NMNAT3: variants seen among roughly 807,000 people sequenced by gnomAD.
NMNAT3 encodes nicotinamide nucleotide adenylyltransferase 3, also known as nicotinamide/nicotinic acid mononucleotide adenylyltransferase 3.
A neutral mutation model predicts 24.8 loss-of-function variants in NMNAT3; 21 were observed. That is an observed-to-expected ratio of 0.85 (90% CI 0.60 to 1.22). The LOEUF (loss-of-function observed/expected upper bound fraction) is 1.22. NMNAT3 is among the 50% of genes most tolerant of loss of function. The pLI is 0.00. For synonymous variants in NMNAT3, 136 were observed against 155.2 expected (o/e 0.88, Z 0.92); for missense variants, 387 against 436.6 (o/e 0.89, Z 1.01).
At chr3:139,598,403 C>G (rs2054571459) in intron 3 of NMNAT3, among the ~76,000 whole-genome samples, 1 of 152,080 alleles carries the variant, frequency 6.6e-6, no homozygotes, top group Non-Finnish European at 1.5e-5. Context: ...GGTCTTGGGG[C>G]ACTTGGTTTT....
At chr3:139,596,916 GTA>G (rs58824425) in intron 3 of NMNAT3, among the ~76,000 whole-genome samples, 1,935 of 96,724 alleles carry the variant, frequency 0.02, 106 homozygotes, top group African/African-American at 0.03. Context: ...TGTCATGTGT[GTA>G]TATATATATA....
At chr3:139,630,901 G>A (rs1303199498) in intron 2 of NMNAT3, among the ~76,000 whole-genome samples, 1 of 151,966 alleles carries the variant, frequency 6.6e-6, no homozygotes, top group African/African-American at 2.4e-5. Context: ...TTTTACAACT[G>A]TTATGAAGTC....
intron 3 of NMNAT3, among the ~76,000 whole-genome samples, chr3:139,600,462 C>T (rs751014271): frequency 1.1e-4 from 16 of 152,004 alleles, no homozygotes; most frequent in Non-Finnish European, 1.6e-4. Flanking sequence ...CCCACCACCA[C>T]GCTGGCTATT....
intron 3 of NMNAT3, among the ~76,000 whole-genome samples, chr3:139,615,298 C>G (rs1236343583): frequency 2.6e-5 from 4 of 152,156 alleles, no homozygotes; most frequent in Non-Finnish European, 5.9e-5. Flanking sequence ...TACTTAGAAA[C>G]CAAAATTAGG....
chr3:139,665,168 T>C (rs2057536952), intron 1 of NMNAT3, among the ~76,000 whole-genome samples: 1 of 152,184 alleles, frequency 6.6e-6, no homozygotes, highest in East Asian at 1.9e-4. Flanking sequence ...TGGAGTCTTC[T>C]GGGATACACC....
chr3:139,649,517 C>T (rs911244260), intron 1 of NMNAT3, among the ~76,000 whole-genome samples: 1 of 152,130 alleles, frequency 6.6e-6, no homozygotes, highest in Admixed American at 6.5e-5. Context: ...CACACAAAAG[C>T]CAAGGGAATC....
intron 3 of NMNAT3, among the ~76,000 whole-genome samples, chr3:139,604,276 T>C (rs2054842570): frequency 6.6e-6 from 1 of 152,224 alleles, no homozygotes; most frequent in African/African-American, 2.4e-5. Context: ...TATTGCTGCT[T>C]TGAGGAATGT....
intron 1 of NMNAT3, among the ~76,000 whole-genome samples, chr3:139,653,536 A>T (rs1389561490): frequency 6.6e-6 from 1 of 152,230 alleles, no homozygotes; most frequent in Non-Finnish European, 1.5e-5. Context: ...TACAGCCAGC[A>T]CTGACACTTT....
At chr3:139,580,510 G>A (rs183559736) in intron 4 of NMNAT3, among the ~76,000 whole-genome samples, 20 of 152,272 alleles carry the variant, frequency 1.3e-4, no homozygotes, top group Non-Finnish European at 2.5e-4. Flanking sequence ...TCACTGACAG[G>A]AGAGATGATA....
chr3:139,578,001 T>TG (rs149621754), intron 5 of NMNAT3, among the ~76,000 whole-genome samples: 11,083 of 152,318 alleles, frequency 0.073, 538 homozygotes, highest in Middle Eastern at 0.13. Flanking sequence ...CTTGTCCCTT[T>TG]GCCTCCCATT....
intron 1 of NMNAT3, among the ~76,000 whole-genome samples, chr3:139,665,551 C>T (rs1559971476): frequency 1.3e-5 from 2 of 152,278 alleles, no homozygotes; most frequent in Middle Eastern, 6.8e-3. Context: ...ACCATGCTGG[C>T]TTGAGCTCTT....
At chr3:139,653,339 T>TA (rs1053947603) in intron 1 of NMNAT3, among the ~76,000 whole-genome samples, 16 of 151,242 alleles carry the variant, frequency 1.1e-4, no homozygotes, top group East Asian at 5.8e-4. Context: ...CCCCATAATT[T>TA]AAAAAAAAAC....
chr3:139,592,917 A>G (rs1045554588), intron 3 of NMNAT3, among the ~76,000 whole-genome samples: 2 of 152,226 alleles, frequency 1.3e-5, no homozygotes, highest in Non-Finnish European at 2.9e-5. Flanking sequence ...TCAACTAACG[A>G]GCAAAATAAC....
At chr3:139,583,589 G>A in intron 3 of NMNAT3, 1 of 791,438 alleles carries the variant, frequency 1.3e-6, no homozygotes, top group Admixed American at 1.9e-5. Context: ...TGGATTGAGA[G>A]ACATTCTTCA....
At chr3:139,595,048 T>C (rs1179505224) in intron 3 of NMNAT3, among the ~76,000 whole-genome samples, 1 of 152,200 alleles carries the variant, frequency 6.6e-6, no homozygotes, top group African/African-American at 2.4e-5. Flanking sequence ...GACATGATTG[T>C]GTATCTAGAA....
chr3:139,633,052 A>T (rs1232901591), intron 2 of NMNAT3, among the ~76,000 whole-genome samples: 1 of 152,188 alleles, frequency 6.6e-6, no homozygotes, highest in African/African-American at 2.4e-5. Flanking sequence ...AAGCAATGCA[A>T]ACGGCCCCTA....
rs944499482 is a variant in NMNAT3, at chr3:139,562,351, G to A, written c.659-959C>T. Among the ~76,000 whole-genome samples, 14 of 152,280 alleles carry A rather than the reference G, an allele frequency of 9.2e-5. No homozygotes were observed. In the East Asian group the frequency reaches 2.7e-3, roughly 29 times the overall value. On this transcript the variant is annotated intron_variant, in intron 6 of 6. Coordinates refer to ENST00000643695, the MANE Select transcript of NMNAT3 (RefSeq NM_001320510.2). Reference sequence around the variant, plus strand: ...GAAGCCCTTCCTAGAGTTCCAGACTGATTTTCCTGGCACTATCCGTGTCCC... The same window carrying A: ...GAAGCCCTTCCTAGAGTTCCAGACTAATTTTCCTGGCACTATCCGTGTCCC...
intron 3 of NMNAT3, among the ~76,000 whole-genome samples, chr3:139,613,652 T>A (rs1448694892): frequency 1.3e-5 from 2 of 152,134 alleles, no homozygotes; most frequent in Non-Finnish European, 2.9e-5. Context: ...CCCAAAGGAT[T>A]ATAAATCATG....
intron 3 of NMNAT3, among the ~76,000 whole-genome samples, chr3:139,591,939 C>T (rs2054210418): frequency 6.6e-6 from 1 of 152,202 alleles, no homozygotes; most frequent in African/African-American, 2.4e-5. Context: ...AACGCAGTTC[C>T]TCACCAGCAA....
Sources: allele counts gnomAD v4.1 joint callset (sites outside exome capture counted in the v4.1 genomes callset), GRCh38; gene constraint gnomAD v4.1.1; transcripts MANE v1.5; gene names NCBI Gene and HGNC (gene_info 2026-07-23, HGNC 2026-07-21).